RALYL: variants seen among roughly 807,000 people sequenced by gnomAD.
RALYL encodes RNA-binding Raly-like protein.
In RALYL, 29 loss-of-function variants were observed where a neutral mutation model predicts 35.1. The ratio of observed to expected loss-of-function variants is 0.83; its 90% confidence interval spans 0.61 to 1.13. RALYL has a LOEUF of 1.13. RALYL is among the 50% of genes most tolerant of loss of function. The pLI, the probability that RALYL is intolerant of heterozygous loss-of-function variation, is 0.00. For missense variants in RALYL, 359 were observed against 360.4 expected, an observed-to-expected ratio of 1.00 and a Z score of 0.03; for synonymous variants, 120 against 127.6, an observed-to-expected ratio of 0.94 and a Z score of 0.40.
intron 2 of RALYL, among the ~76,000 whole-genome samples, chr8:84,546,141 T>TA (rs374498181): frequency 1.7e-3 from 257 of 150,146 alleles, no homozygotes; most frequent in African/African-American, 6.1e-3. Flanking sequence ...AAGATATATA[T>TA]TTTTTTTTGA....
At chr8:84,308,601 G>A (rs1023801209) in intron 1 of RALYL, among the ~76,000 whole-genome samples, 6 of 152,136 alleles carry the variant, frequency 3.9e-5, no homozygotes, top group African/African-American at 1.4e-4. Flanking sequence ...ACTTCCAGTA[G>A]TCAAAAGCAA....
intron 2 of RALYL, among the ~76,000 whole-genome samples, chr8:84,619,196 T>C (rs1820634884): frequency 6.6e-6 from 1 of 151,766 alleles, no homozygotes; most frequent in Admixed American, 6.6e-5. Context: ...CAGTGGGGTG[T>C]TAAAGTCTCC....
At chr8:84,727,550 A>C (rs987348618) in intron 2 of RALYL, among the ~76,000 whole-genome samples, 35 of 151,818 alleles carry the variant, frequency 2.3e-4, no homozygotes, top group Non-Finnish European at 4.3e-4. Flanking sequence ...TATACATGTG[A>C]CATGCTGGTG....
At chr8:84,769,216 A>G (rs1039358432) in intron 2 of RALYL, among the ~76,000 whole-genome samples, 1 of 150,798 alleles carries the variant, frequency 6.6e-6, no homozygotes, top group African/African-American at 2.4e-5. Context: ...ACTGTGTCAC[A>G]TCTAAAAGAT....
intron 1 of RALYL, among the ~76,000 whole-genome samples, chr8:84,359,438 A>G (rs1852504786): frequency 6.6e-6 from 1 of 151,988 alleles, no homozygotes; most frequent in Admixed American, 6.6e-5. Context: ...TTCTGTTTAT[A>G]ATATATTTGT....
At chr8:84,539,093 T>A (rs550678793) in intron 2 of RALYL, among the ~76,000 whole-genome samples, 94 of 152,172 alleles carry the variant, frequency 6.2e-4, no homozygotes, top group Non-Finnish European at 1.3e-3. Context: ...TGAAAGTTGG[T>A]GGTTTCGAGT....
intron 4 of RALYL, among the ~76,000 whole-genome samples, chr8:84,807,034 G>T (rs1824807904): frequency 6.6e-6 from 1 of 152,030 alleles, no homozygotes; most frequent in African/African-American, 2.4e-5. Flanking sequence ...CATGTATGTA[G>T]CTCTCTGCTG....
At chr8:84,859,178 C>G (rs1837622255) in intron 5 of RALYL, among the ~76,000 whole-genome samples, 1 of 152,104 alleles carries the variant, frequency 6.6e-6, no homozygotes, top group African/African-American at 2.4e-5. Context: ...GGTTGCTTGG[C>G]ATACACCCTA....
At chr8:84,661,256 A>G (rs920299984) in intron 2 of RALYL, among the ~76,000 whole-genome samples, 19 of 152,118 alleles carry the variant, frequency 1.2e-4, no homozygotes, top group Non-Finnish European at 1.5e-5. Flanking sequence ...TAGAGGGACC[A>G]TAAATTATTA....
intron 5 of RALYL, among the ~76,000 whole-genome samples, chr8:84,855,806 A>G (rs900395875): frequency 6.6e-6 from 1 of 152,206 alleles, no homozygotes; most frequent in African/African-American, 2.4e-5. Context: ...TTCCAGTGAT[A>G]AGGAGACTTT....
intron 2 of RALYL, 94 bp from the exon 3 acceptor site, chr8:84,774,485 C>A: frequency 2.4e-6 from 2 of 817,638 alleles, no homozygotes; most frequent in Non-Finnish European, 4.0e-6. Flanking sequence ...TTTGCATAAA[C>A]AAATAGTAAA....
chr8:84,305,936 A>T (rs1841701569), intron 1 of RALYL, among the ~76,000 whole-genome samples: 1 of 151,936 alleles, frequency 6.6e-6, no homozygotes, highest in South Asian at 2.1e-4. Context: ...AGAAAGCCCC[A>T]CCCCTATCAT....
chr8:84,523,300 C>G (rs1256971585), intron 1 of RALYL, among the ~76,000 whole-genome samples: 1 of 151,904 alleles, frequency 6.6e-6, no homozygotes, highest in Non-Finnish European at 1.5e-5. Flanking sequence ...CATCAGCTCT[C>G]ATGAGACTTA....
At chr8:84,249,893 G>A (rs185167827) in intron 1 of RALYL, among the ~76,000 whole-genome samples, 93 of 148,778 alleles carry the variant, frequency 6.3e-4, no homozygotes, top group Middle Eastern at 6.9e-3. Flanking sequence ...TTTCCTATAT[G>A]CACATAACCA....
intron 5 of RALYL, among the ~76,000 whole-genome samples, chr8:84,857,231 T>C (rs931176372): frequency 6.6e-6 from 1 of 152,150 alleles, no homozygotes; most frequent in Admixed American, 6.5e-5. Flanking sequence ...TTGATCTTTG[T>C]AGAGCTACTG....
At chr8:84,728,628 A>T (rs1198638751) in intron 2 of RALYL, among the ~76,000 whole-genome samples, 2 of 152,120 alleles carry the variant, frequency 1.3e-5, no homozygotes, top group African/African-American at 4.8e-5. Context: ...TAAGTCTTTA[A>T]TCCATCTTGA....
chr8:84,188,481 T>C (rs1586021997), intron 1 of RALYL, among the ~76,000 whole-genome samples: 1 of 152,140 alleles, frequency 6.6e-6, no homozygotes, highest in Non-Finnish European at 1.5e-5. Flanking sequence ...CTTGTAAAGA[T>C]GCCATTTCCA....
intron 4 of RALYL, among the ~76,000 whole-genome samples, chr8:84,807,033 A>G (rs1237038197): frequency 6.6e-6 from 1 of 152,116 alleles, no homozygotes; most frequent in South Asian, 2.1e-4. Flanking sequence ...GCATGTATGT[A>G]GCTCTCTGCT....
intron 8 of RALYL, among the ~76,000 whole-genome samples, chr8:84,903,709 A>G (rs973586796): frequency 2.6e-5 from 4 of 152,180 alleles, no homozygotes; most frequent in African/African-American, 9.7e-5. Context: ...AACCCGTATT[A>G]TAGTTCTATG....
Sources: allele counts gnomAD v4.1 joint callset (sites outside exome capture counted in the v4.1 genomes callset), GRCh38; gene constraint gnomAD v4.1.1; transcripts MANE v1.5; gene names NCBI Gene and HGNC (gene_info 2026-07-23, HGNC 2026-07-21).